Variants in FANCI observed in about 807,000 individuals in gnomAD.
FANCI encodes FA complementation group I.
A neutral mutation model predicts 176.1 loss-of-function variants in FANCI; 156 were observed. That is an observed-to-expected ratio of 0.89 (90% confidence interval 0.78 to 1.01). FANCI has a LOEUF of 1.01. Among genes scored for constraint, FANCI ranks in the 50% least tolerant of loss-of-function variants. The probability of loss-of-function intolerance (pLI) is 0.00; values close to 1 mark genes in which losing one functional copy is unlikely to be tolerated. For missense variants in FANCI, 1,678 were observed against 1,534.1 expected, an observed-to-expected ratio of 1.09 and a Z score of -1.57; for synonymous variants, 613 against 541.7, an observed-to-expected ratio of 1.13 and a Z score of -1.83.
intron 9 of FANCI, among the ~76,000 whole-genome samples, chr15:89,264,878 C>T (rs978967124): frequency 6.6e-6 from 1 of 152,170 alleles, no homozygotes; most frequent in Non-Finnish European, 1.5e-5. Flanking sequence ...ACTGTTTAGC[C>T]TTGGGGCTAC....
intron 12 of FANCI, among the ~76,000 whole-genome samples, chr15:89,274,714 C>G (rs531578971): frequency 7.9e-4 from 115 of 145,870 alleles, no homozygotes; most frequent in Non-Finnish European, 1.2e-3. Context: ...AAGCAATCCT[C>G]CCACCTGAAC....
intron 18 of FANCI, 84 bp downstream of exon 18, chr15:89,285,302 A>G (rs1160392692): frequency 2.6e-6 from 4 of 1,532,978 alleles, no homozygotes; most frequent in South Asian, 1.1e-5. Context: ...TTATAAAAGT[A>G]CAATAGCTAT....
At chr15:89,246,425 A>C (rs1270653211) in intron 1 of FANCI, among the ~76,000 whole-genome samples, 2 of 152,160 alleles carry the variant, frequency 1.3e-5, no homozygotes, top group African/African-American at 4.8e-5. Context: ...AAATTTTTTA[A>C]TGGTTCTCAG....
Position 89,293,973 on chromosome 15 carries a change from C to A in FANCI, c.2432C>A (p.Ser811Tyr), listed in dbSNP as rs749027164. The A allele has an allele frequency of 1.2e-6, 2 of 1,614,092 alleles. No individual in the cohort carries two copies. Among genetic ancestry groups the A allele is most frequent in the Non-Finnish European group, 1.7e-6 (2 of 1,180,010 alleles). ...SDSLLSMKFV[S>Y]SLLTALFRDS... Reference sequence around the variant, plus strand: ...AGTCTTTTGTCCATGAAATTTGTGTCCAGTCTTCTCACTGCTCTTTTCAGG... The same window carrying A: ...AGTCTTTTGTCCATGAAATTTGTGTACAGTCTTCTCACTGCTCTTTTCAGG... Residue 811 changes from serine to tyrosine, a missense_variant, in exon 23 of 38, where the codon TCC becomes TAC. Around this residue, in one of 3 missense-constraint regions of FANCI, gnomAD observed 1,204 missense variants for 1,077.4 expected, o/e 1.12. Coordinates refer to ENST00000310775, the MANE Select transcript of FANCI (RefSeq NM_001113378.2).
chr15:89,293,186 A>G, intron 22 of FANCI, 123 bp downstream of exon 22: 1 of 1,039,904 alleles, frequency 9.6e-7, no homozygotes, highest in Non-Finnish European at 1.5e-6. Flanking sequence ...CTCTTAAATG[A>G]GCACCTAGTC....
At chr15:89,253,596 G>C (rs1345555909) in intron 2 of FANCI, among the ~76,000 whole-genome samples, 4 of 152,044 alleles carry the variant, frequency 2.6e-5, no homozygotes, top group Non-Finnish European at 2.9e-5. Flanking sequence ...GCTCAGTGCA[G>C]TGAAAAGCTT....
intron 2 of FANCI, among the ~76,000 whole-genome samples, chr15:89,257,230 C>T (rs1344452812): frequency 6.6e-6 from 1 of 152,124 alleles, no homozygotes; most frequent in Non-Finnish European, 1.5e-5. Context: ...TCATCACCAC[C>T]CCCTACTTCC....
chr15:89,316,423 GAACA>G lies in FANCI; in HGVS notation c.3954_3957del (p.Asn1318LysfsTer12). On this transcript the variant is annotated frameshift_variant, in exon 38 of 38. Coordinates refer to ENST00000310775, the MANE Select transcript of FANCI (RefSeq NM_001113378.2). LOFTEE classifies it high-confidence loss of function. ...GCACTGCATCAGAGCATGGGGGACAGAACAAAGAACCAGCCAAGAAGAAAAGGAA... is the reference window on the plus strand; with the variant it reads ...GCACTGCATCAGAGCATGGGGGACAGAAGAACCAGCCAAGAAGAAAAGGAA... 1 of 1,611,868 alleles carries G rather than the reference GAACA, an allele frequency of 6.2e-7. No homozygotes were observed. The highest frequency in any genetic ancestry group is 8.5e-7 in the Non-Finnish European group (1 of 1,178,674).
intron 27 of FANCI, among the ~76,000 whole-genome samples, chr15:89,301,767 C>T (rs2054532910): frequency 6.6e-6 from 1 of 152,138 alleles, no homozygotes; most frequent in African/African-American, 2.4e-5. Flanking sequence ...TTCTTTGCCA[C>T]TCTTGGTGTT....
chr15:89,316,863 CAAG>C lies in FANCI; in HGVS notation c.*407_*409del. On this transcript the variant is annotated 3_prime_UTR_variant, in exon 38 of 38. Coordinates refer to ENST00000310775, the MANE Select transcript of FANCI (RefSeq NM_001113378.2). Reference sequence around the variant, plus strand: ...GTGCAAATTGGTTAGGATGCCACCTCAAGAACTGTAACTGAGAGCTCAGAAGTG... The same window carrying C: ...GTGCAAATTGGTTAGGATGCCACCTCAACTGTAACTGAGAGCTCAGAAGTG... 6.9e-7 allele frequency: 1 copy of C among 1,458,130 alleles called. No individual in the cohort carries two copies. Among genetic ancestry groups the C allele is most frequent in the Non-Finnish European group, 9.6e-7 (1 of 1,037,706 alleles). The allele number at this position is 1,458,130 out of a possible 1,614,324, so 90.3% of individuals were successfully genotyped here. A position where few individuals can be genotyped will look rare whatever the true frequency, so the allele number is the denominator to read the frequency against.
chr15:89,290,674 C>G (rs1349861589), intron 19 of FANCI: 4 of 186,176 alleles, frequency 2.1e-5, no homozygotes, highest in African/African-American at 9.4e-5. Context: ...TTTTACATTC[C>G]TTTCTGCACT....
At chr15:89,307,576 G>T in intron 33 of FANCI, 37 bp from the exon 34 acceptor site, 3 of 1,614,196 alleles carry the variant, frequency 1.9e-6, no homozygotes, top group South Asian at 1.1e-5. Context: ...CACTTTTACT[G>T]CTGGTTACAT....
chr15:89,291,704 A>C lies in FANCI; in HGVS notation c.1982A>C (p.Gln661Pro), dbSNP rs1315294430. 1 of 1,612,690 alleles carries C rather than the reference A, an allele frequency of 6.2e-7. No homozygotes were observed. Among genetic ancestry groups the C allele is most frequent in the Admixed American group, 1.7e-5 (1 of 59,998 alleles). The part of the protein sequence containing the change: ...ILTQGDKISL[Q>P]EPLDYLLCCI... ...ACCCAAGGAGATAAGATCTCTCTAC[A>C]AGAACCACTGGTGAGACTTTTATTC... The change falls in exon 20 of 38, where the codon CAA (glutamine) becomes CCA (proline). Residue 661 changes from glutamine (Q) to proline (P), a missense_variant. Transcript: ENST00000310775.
At position 89,288,193 on chromosome 15, in the gene FANCI, C is replaced by A. The variant is rs573129272; in HGVS notation, c.1822-2020C>A. Among the ~76,000 whole-genome samples the A allele has an allele frequency of 4.6e-5, 7 of 152,342 alleles. No homozygotes were observed. The South Asian group carries it at 1.2e-3, about 27-fold the overall frequency. On this transcript the variant is annotated intron_variant, in intron 18 of 37. Transcript: ENST00000310775. ...AGTTAAGGCACAGTGAGCCACTCTT[C>A]TTTAGGGTGAGCTTTGTGTCAGTGT...
At chr15:89,296,050 C>T (rs1250572820) in intron 24 of FANCI, among the ~76,000 whole-genome samples, 1 of 152,158 alleles carries the variant, frequency 6.6e-6, no homozygotes, top group Non-Finnish European at 1.5e-5. Flanking sequence ...TTACTGCAAC[C>T]TCGGCCTCCC....
intron 20 of FANCI, 31 bp from the exon 21 acceptor site, chr15:89,292,657 G>A (rs2054113063): frequency 1.2e-6 from 2 of 1,604,500 alleles, no homozygotes. Context: ...CAACACTCAA[G>A]AGTATTTAAT....
intron 23 of FANCI, 131 bp downstream of exon 23, chr15:89,294,128 A>G: frequency 1.9e-6 from 2 of 1,073,694 alleles, no homozygotes; most frequent in Middle Eastern, 2.1e-4. Context: ...TTTTCTTGAA[A>G]TAAAAGCTGG....
At chr15:89,246,271 C>A (rs2051965661) in intron 1 of FANCI, among the ~76,000 whole-genome samples, 1 of 152,162 alleles carries the variant, frequency 6.6e-6, no homozygotes, top group Non-Finnish European at 1.5e-5. Flanking sequence ...TAGTACAGGT[C>A]TTTATCATTT....
chr15:89,253,831 CA>C (rs1475446324), intron 2 of FANCI, among the ~76,000 whole-genome samples: 1 of 143,812 alleles, frequency 7.0e-6, no homozygotes, highest in Non-Finnish European at 1.5e-5. Flanking sequence ...AGGCAAAAAA[CA>C]TGAGAATAAT....
Sources: allele counts gnomAD v4.1 joint callset (sites outside exome capture counted in the v4.1 genomes callset), GRCh38; gene constraint gnomAD v4.1.1; regional missense constraint gnomAD v4.1.1; transcripts MANE v1.5; gene names NCBI Gene and HGNC (gene_info 2026-07-23, HGNC 2026-07-21).